GABRP: variants seen among roughly 807,000 people sequenced by gnomAD.
The protein encoded by GABRP is gamma-aminobutyric acid type A receptor subunit pi.
Under a neutral mutation model 47.8 loss-of-function variants are expected in GABRP, and 52 were observed. The ratio of observed to expected loss-of-function variants is 1.09; its 90% CI spans 0.87 to 1.37. The LOEUF is 1.37. Among genes scored for constraint, GABRP ranks in the 40% most tolerant of loss-of-function variants. The pLI, the probability that GABRP is intolerant of heterozygous loss-of-function variation, is 0.00. For synonymous variants in GABRP, 221 were observed against 205.8 expected, an observed-to-expected ratio of 1.07 and a Z score of -0.63; for missense variants, 525 against 542.8, an observed-to-expected ratio of 0.97 and a Z score of 0.33.
At chr5:170,793,562 C>A (rs559659264) in intron 3 of GABRP, among the ~76,000 whole-genome samples, 6 of 152,248 alleles carry the variant, frequency 3.9e-5, no homozygotes, top group Admixed American at 2.6e-4. Context: ...AAAAGCTCAG[C>A]CATGAGTCTT....
At chr5:170,793,873 G>T (rs1304015328) in intron 3 of GABRP, among the ~76,000 whole-genome samples, 1 of 152,058 alleles carries the variant, frequency 6.6e-6, no homozygotes, top group East Asian at 1.9e-4. Context: ...CGGAGTTTGT[G>T]GCGAGCCGAG....
chr5:170,807,824 G>T (rs1327482272), intron 7 of GABRP, among the ~76,000 whole-genome samples: 1 of 151,966 alleles, frequency 6.6e-6, no homozygotes, highest in Non-Finnish European at 1.5e-5. Context: ...GGTGACAGAG[G>T]GTTGGAGCAG....
chr5:170,812,284 A>T lies in GABRP; in HGVS notation c.*26A>T. ...GTCAATGTTAAATTTCTTGCATGCC[A>T]TAGGTCTTCAACAGGACAAGATAAT... is the stretch of plus-strand genomic sequence containing the variant. On this transcript the variant is annotated 3_prime_UTR_variant, in exon 10 of 10. Coordinates refer to ENST00000265294, the MANE Select transcript of GABRP (RefSeq NM_014211.3). 3 of 1,571,872 alleles carry T rather than the reference A, an allele frequency of 1.9e-6. No homozygotes were observed. Among genetic ancestry groups the T allele is most frequent in the Non-Finnish European group, 2.6e-6 (3 of 1,147,048 alleles).
intron 5 of GABRP, among the ~76,000 whole-genome samples, chr5:170,796,145 T>C (rs1765420752): frequency 6.6e-6 from 1 of 152,214 alleles, no homozygotes; most frequent in Non-Finnish European, 1.5e-5. Context: ...CAAATATTCA[T>C]GGGGCTGATG....
chr5:170,793,484 C>T (rs933453401), intron 3 of GABRP, among the ~76,000 whole-genome samples: 2 of 152,122 alleles, frequency 1.3e-5, no homozygotes, highest in African/African-American at 4.8e-5. Context: ...TGTGGAGGTT[C>T]TGAAATTCTA....
chr5:170,812,455 T>G lies in GABRP; in HGVS notation c.*197T>G. 1 of 565,474 alleles carries G rather than the reference T, an allele frequency of 1.8e-6. No individual in the cohort carries two copies. The highest frequency in any genetic ancestry group is 3.1e-6 in the Non-Finnish European group (1 of 318,468). 35.0% of individuals were successfully genotyped at this position (565,474 alleles called of 1,614,324 possible). ...TAGAAGTCCTAGCATTATAGGATCT[T>G]GTAATAGAAACATCAGTCCATTCCT... On this transcript the variant is annotated 3_prime_UTR_variant, in exon 10 of 10. Coordinates refer to ENST00000265294, the MANE Select transcript of GABRP (RefSeq NM_014211.3).
At chr5:170,799,881 A>G (rs1323525411) in intron 6 of GABRP, among the ~76,000 whole-genome samples, 1 of 152,222 alleles carries the variant, frequency 6.6e-6, no homozygotes, top group African/African-American at 2.4e-5. Flanking sequence ...GCTCGTGGAT[A>G]GGAAGAATCA....
At chr5:170,808,086 C>G (rs2127265650) in intron 7 of GABRP, among the ~76,000 whole-genome samples, 1 of 152,292 alleles carries the variant, frequency 6.6e-6, no homozygotes, top group African/African-American at 2.4e-5. Context: ...TTTCCCACAT[C>G]TAGAATACAC....
chr5:170,812,106 T>C lies in GABRP; in HGVS notation c.1171T>C (p.Phe391Leu), dbSNP rs747316532. The C allele has an allele frequency of 1.2e-6, 2 of 1,614,154 alleles. No homozygotes were observed. The highest frequency in any genetic ancestry group is 4.5e-5 in the East Asian group (2 of 44,878). The change falls in exon 10 of 10, where the codon TTC becomes CTC. Residue 391 changes from phenylalanine (F) to leucine (L), a missense_variant. Phe to Leu is a conservative substitution (Grantham distance 22, BLOSUM62 0). Transcript: ENST00000265294. ...CTTGACAATGAAAACCAGCGACAAGTTCAAGTTTGTCTTCCGAGAAAAGAT... is the reference window on the plus strand; with the variant it reads ...CTTGACAATGAAAACCAGCGACAAGCTCAAGTTTGTCTTCCGAGAAAAGAT... Reference protein sequence around the residue: ...SDLTMKTSDKFKFVFREKMGR... With the variant: ...SDLTMKTSDKLKFVFREKMGR...
intron 7 of GABRP, among the ~76,000 whole-genome samples, chr5:170,807,379 TG>T (rs1264837388): frequency 2.0e-5 from 3 of 152,194 alleles, no homozygotes; most frequent in Admixed American, 2.0e-4. Context: ...ATTCCCAAGT[TG>T]GGTTCATATA....
At chr5:170,791,684 T>C (rs1244521438) in intron 3 of GABRP, among the ~76,000 whole-genome samples, 5 of 147,918 alleles carry the variant, frequency 3.4e-5, no homozygotes, top group Non-Finnish European at 7.5e-5. Context: ...AGCTCTCGTG[T>C]CTTTTCCATT....
At chr5:170,809,988 A>C in intron 9 of GABRP, 1 of 702,042 alleles carries the variant, frequency 1.4e-6, no homozygotes, top group Non-Finnish European at 2.6e-6. Flanking sequence ...TCCAGCAGAA[A>C]ATATGTTATC....
intron 3 of GABRP, among the ~76,000 whole-genome samples, chr5:170,789,808 C>A (rs1862241): frequency 1.3e-5 from 2 of 151,936 alleles, no homozygotes; most frequent in Non-Finnish European, 2.9e-5. Flanking sequence ...CAGAATGCTC[C>A]CTGACATCCC....
chr5:170,795,334 G>C lies in GABRP; in HGVS notation c.367G>C (p.Val123Leu), dbSNP rs757722314. ...CCTCTGGGTGCCAGATACTTACATT[G>C]TGGAGTCCAAGAAGTCCTTCCTCCA... is the stretch of plus-strand genomic sequence containing the variant. ...EFLWVPDTYI[V>L]ESKKSFLHEV... The change falls in exon 5 of 10, where the codon GTG (valine) becomes CTG (leucine). Residue 123 changes from valine (V) to leucine (L), a missense_variant. By Grantham distance (32) the Val-to-Leu change is conservative. Transcript: ENST00000265294. 1 of 1,613,980 alleles carries C rather than the reference G, an allele frequency of 6.2e-7. No homozygotes were observed. Among genetic ancestry groups the C allele is most frequent in the Non-Finnish European group, 8.5e-7 (1 of 1,179,988 alleles).
At position 170,813,041 on chromosome 5, in the gene GABRP, C is replaced by G. The variant is rs769225238; in HGVS notation, c.*783C>G. 4.6e-5 allele frequency: 7 copies of G among 152,162 alleles called. No individual in the cohort carries two copies. Among genetic ancestry groups the G allele is most frequent in the Admixed American group, 1.3e-4 (2 of 15,278 alleles). The allele number at this position is 152,162 out of a possible 1,614,324, so 9.4% of individuals were successfully genotyped here. A position where few individuals can be genotyped will look rare whatever the true frequency, so the allele number is the denominator to read the frequency against. ...CATCCATCCTAAACTATACTAAAGC[C>G]CTTTTCCCATGCATGGATGGAAATG... On this transcript the variant is annotated 3_prime_UTR_variant, in exon 10 of 10. Transcript: ENST00000265294.
chr5:170,783,190 T>C (rs1263023699), upstream of GABRP, among the ~76,000 whole-genome samples: 1 of 152,214 alleles, frequency 6.6e-6, no homozygotes, highest in Non-Finnish European at 1.5e-5. Flanking sequence ...TTGGCCTCTA[T>C]GAGTCTTTTT....
intron 3 of GABRP, among the ~76,000 whole-genome samples, chr5:170,792,431 A>T (rs1765299089): frequency 8.3e-6 from 1 of 121,176 alleles, no homozygotes; most frequent in East Asian, 2.7e-4. Context: ...GACAAGAGGG[A>T]GACTCCATCT....
At position 170,803,203 on chromosome 5, in the gene GABRP, T is replaced by C. The variant is rs532226309; in HGVS notation, c.542-2513T>C. On this transcript the variant is annotated intron_variant, in intron 6 of 9. Coordinates refer to ENST00000265294, the MANE Select transcript of GABRP (RefSeq NM_014211.3). ...CTAAGAGTTCATGGCTATATTTCTC[T>C]TCCCTGGGGAGGGCGAGATAACCCT... Among the ~76,000 whole-genome samples, 3 of 152,340 alleles carry C rather than the reference T, an allele frequency of 2.0e-5. No individual in the cohort carries two copies. The South Asian group carries it at 6.2e-4, about 32-fold the overall frequency.
At chr5:170,799,416 A>G (rs1356202940) in intron 6 of GABRP, among the ~76,000 whole-genome samples, 2 of 152,128 alleles carry the variant, frequency 1.3e-5, no homozygotes, top group African/African-American at 4.8e-5. Flanking sequence ...AAGTGTTCCT[A>G]TTTCTCCACA....
Sources: gnomAD v4.1 joint callset for allele counts (sites outside exome capture counted in the v4.1 genomes callset) on GRCh38, gnomAD v4.1.1 for gene constraint, MANE v1.5 for transcripts, NCBI Gene and HGNC (gene_info 2026-07-23, HGNC 2026-07-21) for gene names.